The following P4HA3 variants were observed in gnomAD, a reference collection of about 807,000 sequenced individuals.
P4HA3 encodes prolyl 4-hydroxylase subunit alpha 3.
In P4HA3, 60 loss-of-function variants were observed where a neutral mutation model predicts 66.7. The ratio of observed to expected loss-of-function variants is 0.90; its 90% CI spans 0.73 to 1.12. The LOEUF (loss-of-function observed/expected upper bound fraction) is 1.12. Among genes scored for constraint, P4HA3 ranks in the 50% most tolerant of loss-of-function variants. P4HA3 has a pLI of 0.00. For missense variants in P4HA3, 683 were observed against 685.8 expected, an observed-to-expected ratio of 1.00 and a Z score of 0.05; for synonymous variants, 263 against 274.6, an observed-to-expected ratio of 0.96 and a Z score of 0.42.
At chr11:74,305,897 A>G (rs949175573) in intron 1 of P4HA3, among the ~76,000 whole-genome samples, 16 of 152,210 alleles carry the variant, frequency 1.1e-4, no homozygotes, top group African/African-American at 3.9e-4. Context: ...TAAGAAAGAC[A>G]CAAATAATTA....
At position 74,268,137 on chromosome 11, in the gene P4HA3, A is replaced by G. The variant is rs752554828; in HGVS notation, c.1564+8T>C. 2 of 1,612,132 alleles carry G rather than the reference A, an allele frequency of 1.2e-6. No homozygotes were observed. Among genetic ancestry groups the G allele is most frequent in the Non-Finnish European group, 8.5e-7 (1 of 1,178,360 alleles). ...CCCCCTTCTCATGCCCAGAAAGGCA[A>G]GACTTACCCCACTTATCTCCCACCA... is the stretch of plus-strand genomic sequence containing the variant. On this transcript the variant is annotated splice_region_variant and intron_variant, in intron 12 of 12. Coordinates refer to ENST00000331597, the MANE Select transcript of P4HA3 (RefSeq NM_182904.5).
At chr11:74,286,423 A>T (rs987179964) in intron 5 of P4HA3, 32 bp from the exon 6 acceptor site, 1 of 1,498,280 alleles carries the variant, frequency 6.7e-7, no homozygotes, top group East Asian at 2.4e-5. Context: ...AATATAAAAT[A>T]GGGATTAACA....
chr11:74,293,276 T>G (rs1247391109), intron 4 of P4HA3, among the ~76,000 whole-genome samples: 3 of 152,090 alleles, frequency 2.0e-5, no homozygotes, highest in Non-Finnish European at 4.4e-5. Context: ...AACCCCTGCC[T>G]TTTTTTGTTT....
Position 74,270,890 on chromosome 11 carries a change from C to A in P4HA3, c.1399-1170G>T, listed in dbSNP as rs1043264082. 2.0e-5 allele frequency among the ~76,000 whole-genome samples: 3 copies of A among 152,164 alleles called. No homozygotes were observed. The South Asian group carries it at 6.2e-4, about 32-fold the overall frequency. ...ACTGAACAACTTAATGAAAAAAAATCATTTTGCATTTTGGATTGTTTTCAT... is the reference window on the plus strand; with the variant it reads ...ACTGAACAACTTAATGAAAAAAAATAATTTTGCATTTTGGATTGTTTTCAT... On this transcript the variant is annotated intron_variant, in intron 10 of 12. Transcript: ENST00000331597.
At chr11:74,294,470 C>G (rs1861145728) in intron 4 of P4HA3, among the ~76,000 whole-genome samples, 1 of 152,204 alleles carries the variant, frequency 6.6e-6, no homozygotes, top group Admixed American at 6.5e-5. Context: ...CTCCATCCAG[C>G]TTTGTTCCGT....
chr11:74,280,286 T>C lies in P4HA3; in HGVS notation c.1111-834A>G, dbSNP rs534076681. Among the ~76,000 whole-genome samples the C allele has an allele frequency of 5.9e-5, 9 of 152,148 alleles. No homozygotes were observed. The South Asian group carries it at 1.9e-3, about 32-fold the overall frequency. ...CTCCCACCTCAGCCTCCCAAATAGC[T>C]GGGACCATAGGCACATGCCACCAAA... On this transcript the variant is annotated intron_variant, in intron 7 of 12. Coordinates refer to ENST00000331597, the MANE Select transcript of P4HA3 (RefSeq NM_182904.5).
chr11:74,284,371 T>A (rs1427068823), intron 7 of P4HA3, among the ~76,000 whole-genome samples: 1 of 152,222 alleles, frequency 6.6e-6, no homozygotes, highest in Non-Finnish European at 1.5e-5. Context: ...GGCACTTCCA[T>A]GCAGAAGCTT....
chr11:74,252,158 A>C (rs1591074834), intron 15 of P4HA3, among the ~76,000 whole-genome samples: 2 of 125,476 alleles, frequency 1.6e-5, no homozygotes, highest in Non-Finnish European at 3.2e-5. Flanking sequence ...AACCTCTGCC[A>C]CCTGGGCTCA....
intron 1 of P4HA3, 133 bp from the exon 2 acceptor site, chr11:74,304,545 A>C: frequency 9.2e-7 from 1 of 1,085,372 alleles, no homozygotes; most frequent in Non-Finnish European, 1.3e-6. Context: ...ATAATAGTCC[A>C]ACCAAAAAGC....
chr11:74,277,062 G>GCCGGACA lies in P4HA3; in HGVS notation c.1251_1257dup (p.Pro420CysfsTer21). On this transcript the variant is annotated frameshift_variant, in exon 9 of 13. Coordinates refer to ENST00000331597, the MANE Select transcript of P4HA3 (RefSeq NM_182904.5). LOFTEE classifies it high-confidence loss of function. ...ACCTGCAGATACTCTGCATAGGGAG[G>GCCGGACA]CCGGACATCAAGGCCTGTGAGGGCA... 6.2e-7 allele frequency: 1 copy of GCCGGACA among 1,614,098 alleles called. No homozygotes were observed. Among genetic ancestry groups the GCCGGACA allele is most frequent in the Non-Finnish European group, 8.5e-7 (1 of 1,180,006 alleles).
At chr11:74,309,796 C>A (rs557918668) in intron 1 of P4HA3, among the ~76,000 whole-genome samples, 1 of 152,312 alleles carries the variant, frequency 6.6e-6, no homozygotes, top group East Asian at 1.9e-4. Flanking sequence ...GCTGTTTATA[C>A]GCAAGCCACA....
chr11:74,290,133 AT>A (rs1591118408), intron 4 of P4HA3, among the ~76,000 whole-genome samples: 2 of 152,054 alleles, frequency 1.3e-5, no homozygotes, highest in South Asian at 4.2e-4. Flanking sequence ...AATGATCGCC[AT>A]TCTAACTGGT....
chr11:74,262,883 G>A (rs947013603), downstream of P4HA3, among the ~76,000 whole-genome samples: 31 of 152,238 alleles, frequency 2.0e-4, no homozygotes, highest in African/African-American at 6.8e-4. Flanking sequence ...CTGGACAAGA[G>A]TCCCCCAGAA....
In P4HA3 at chr11:74,311,370, C is replaced by T. The variant is rs370309669; in HGVS notation, c.200+42G>A. 98 of 1,456,094 alleles carry T rather than the reference C, an allele frequency of 6.7e-5. 1 individual carries two copies. In the African/African-American group the frequency reaches 1.2e-3, roughly 18 times the overall value. The allele number at this position is 1,456,094 out of a possible 1,614,324, so 90.2% of individuals were successfully genotyped here. A position where few individuals can be genotyped will look rare whatever the true frequency, so the allele number is the denominator to read the frequency against. Reference sequence around the variant, plus strand: ...ACCCCACCCTGCGGCACAGTGTATCCCACTGAGGCCCCTCGGTCGCTCCCA... The same window carrying T: ...ACCCCACCCTGCGGCACAGTGTATCTCACTGAGGCCCCTCGGTCGCTCCCA... On this transcript the variant is annotated intron_variant, in intron 1 of 12. Transcript: ENST00000331597.
chr11:74,291,258 G>C lies in P4HA3; in HGVS notation c.718-2128C>G, dbSNP rs187804922. On this transcript the variant is annotated intron_variant, in intron 4 of 12. Transcript: ENST00000331597. The stretch of plus-strand genomic sequence containing the variant: ...TTGGCTCTCTGTTTGTCTGTTATTG[G>C]TGTATAAGAATGCTTGTGATTTCTG... Among the ~76,000 whole-genome samples, 195 of 152,256 alleles carry C rather than the reference G, an allele frequency of 1.3e-3. 1 individual carries two copies. The highest frequency in any genetic ancestry group is 4.4e-3 in the African/African-American group (181 of 41,546).
chr11:74,310,732 C>G (rs1861711569), intron 1 of P4HA3, among the ~76,000 whole-genome samples: 1 of 152,182 alleles, frequency 6.6e-6, no homozygotes, highest in Non-Finnish European at 1.5e-5. Context: ...GCGACCTGTA[C>G]AGTTACTCAG....
intron 15 of P4HA3, among the ~76,000 whole-genome samples, chr11:74,259,519 A>AG (rs1234984468): frequency 6.6e-6 from 1 of 152,218 alleles, no homozygotes; most frequent in Non-Finnish European, 1.5e-5. Context: ...TACATTCACA[A>AG]GGCTGTGGAC....
intron 4 of P4HA3, among the ~76,000 whole-genome samples, chr11:74,290,111 T>C (rs1249758615): frequency 6.6e-6 from 1 of 151,912 alleles, no homozygotes; most frequent in Non-Finnish European, 1.5e-5. Context: ...ACCTGTTGTT[T>C]CCTGACTTTT....
At chr11:74,287,406 G>A (rs1860836558) in intron 5 of P4HA3, 4 of 1,086,152 alleles carry the variant, frequency 3.7e-6, no homozygotes, top group Non-Finnish European at 4.9e-6. Flanking sequence ...ATATTGCAAA[G>A]CCGGAAATAA....
Sources: allele counts gnomAD v4.1 joint callset (sites outside exome capture counted in the v4.1 genomes callset), GRCh38; gene constraint gnomAD v4.1.1; transcripts MANE v1.5; gene names NCBI Gene and HGNC (gene_info 2026-07-23, HGNC 2026-07-21).